Variants in NBPF20 observed in about 807,000 individuals in gnomAD.
The protein encoded by NBPF20 is NBPF family member NBPF20.
NBPF20 carries 90 observed loss-of-function variants against 68.1 expected under a neutral mutation model. The ratio of observed to expected loss-of-function variants is 1.32; its 90% CI spans 1.11 to 1.58. The LOEUF is 1.58. Among genes scored for constraint, NBPF20 ranks in the 40% most tolerant of loss-of-function variants. The pLI is 0.00. For synonymous variants in NBPF20, 290 were observed against 228.1 expected (o/e 1.27, Z -2.45); for missense variants, 816 against 601.2 (o/e 1.36, Z -3.74).
At chr1:145,397,842 C>T (rs1220689555) in intron 7 of NBPF20, among the ~76,000 whole-genome samples, 1 of 152,142 alleles carries the variant, frequency 6.6e-6, no homozygotes, top group Non-Finnish European at 1.5e-5. Flanking sequence ...GGAAACCCAT[C>T]TCACATGCAG....
At chr1:145,419,390 G>T in the NBPF20 span, among the ~76,000 whole-genome samples, 1 of 152,116 alleles carries the variant, frequency 6.6e-6, no homozygotes, top group Non-Finnish European at 1.5e-5. Context: ...GTTTCCATGG[G>T]GTACAACCCC....
exon 138 of NBPF20, chr1:145,291,486 T>C (rs781945700): frequency 1.9e-6 from 3 of 1,612,044 alleles, no homozygotes; most frequent in East Asian, 4.5e-5. Context: ...CTATAGGTCC[T>C]GCCTGCAGGA....
Position 145,393,330 on chromosome 1 carries a change from G to A in NBPF20, c.1044-84C>T. On this transcript the variant is annotated intron_variant, in intron 9 of 137. Transcript: ENST00000369373. ...CAGCTAGATTTCATGGCTAACGTAA[G>A]GAAGAGTTTGAAAAGAAAAAGGACA... 5.8e-6 allele frequency: 4 copies of A among 684,678 alleles called. No homozygotes were observed. The South Asian group carries it at 6.7e-5, about 11-fold the overall frequency. The allele number at this position is 684,678 out of a possible 1,614,324, so 42.4% of individuals were successfully genotyped here.
chr1:145,311,972 A>C (rs1661497362), intron 112 of NBPF20, among the ~76,000 whole-genome samples: 1 of 89,620 alleles, frequency 1.1e-5, no homozygotes, highest in African/African-American at 6.4e-5. Flanking sequence ...ACGTCATGAG[A>C]GTAGGATTAG....
the NBPF20 span, among the ~76,000 whole-genome samples, chr1:145,424,538 A>C: frequency 6.6e-6 from 1 of 152,244 alleles, no homozygotes; most frequent in Non-Finnish European, 1.5e-5. Flanking sequence ...TTCGGCAAAG[A>C]AAGGATGAAC....
chr1:145,400,650 C>G, intron 5 of NBPF20, 56 bp from the exon 11 acceptor site: 1 of 1,560,154 alleles, frequency 6.4e-7, no homozygotes, highest in Non-Finnish European at 8.8e-7. Flanking sequence ...GGGATTGGAC[C>G]CCAGGGAGTC....
Position 145,393,669 on chromosome 1 carries a change from A to T in NBPF20, c.1043+215T>A, listed in dbSNP as rs1662056779. On this transcript the variant is annotated intron_variant, in intron 9 of 137. Coordinates refer to ENST00000369373, the Ensembl canonical transcript of NBPF20. ...ACCATGAGAATACAGCTTTTGAGTT[A>T]TGGTCAACTTTCACTAGGTTAGTAA... 5.2e-6 allele frequency: 7 copies of T among 1,337,772 alleles called. No individual in the cohort carries two copies. In the South Asian group the frequency reaches 5.6e-5, roughly 11 times the overall value. The allele number at this position is 1,337,772 out of a possible 1,614,324, so 82.9% of individuals were successfully genotyped here.
At chr1:145,406,516 CAG>C (rs1242407077), upstream of NBPF20, among the ~76,000 whole-genome samples, 1 of 151,742 alleles carries the variant, frequency 6.6e-6, no homozygotes, top group Admixed American at 6.6e-5. Context: ...AAATGTTGGA[CAG>C]AGTTTTGCAA....
the NBPF20 span, among the ~76,000 whole-genome samples, chr1:145,417,738 A>G: frequency 1.3e-5 from 2 of 148,558 alleles, no homozygotes. Context: ...GGAATTGCAC[A>G]TTAAAACAAC....
chr1:145,425,330 C>G, the NBPF20 span, among the ~76,000 whole-genome samples: 4 of 151,822 alleles, frequency 2.6e-5, no homozygotes, highest in Non-Finnish European at 5.9e-5. Context: ...CACCGCCCGC[C>G]CGGCCTGGCG....
At chr1:145,394,323 G>C (rs1387083986) in intron 8 of NBPF20, among the ~76,000 whole-genome samples, 1 of 151,664 alleles carries the variant, frequency 6.6e-6, no homozygotes, top group East Asian at 1.9e-4. Flanking sequence ...TGGACACAGA[G>C]ATTTGATGAA....
rs1443623297 is a variant in NBPF20, at chr1:145,393,667, T to G, written c.1043+217A>C. 7.8e-5 allele frequency: 104 copies of G among 1,330,778 alleles called. 1 individual carries two copies. Among genetic ancestry groups the G allele is most frequent in the African/African-American group, 2.5e-4 (17 of 68,234 alleles). 82.4% of individuals were successfully genotyped at this position (1,330,778 alleles called of 1,614,324 possible). On this transcript the variant is annotated intron_variant, in intron 9 of 137. Transcript: ENST00000369373. ...TTACCATGAGAATACAGCTTTTGAG[T>G]TATGGTCAACTTTCACTAGGTTAGT...
exon 6 of NBPF20, chr1:145,400,503 A>C: frequency 6.2e-7 from 1 of 1,612,908 alleles, no homozygotes; most frequent in Middle Eastern, 1.9e-4. Flanking sequence ...GGCTGGTTGG[A>C]GTCATAAGGG....
chr1:145,410,186 A>G (rs1297716864), upstream of NBPF20, among the ~76,000 whole-genome samples: 2 of 151,686 alleles, frequency 1.3e-5, no homozygotes, highest in Admixed American at 1.3e-4. Flanking sequence ...AACAGGTGCT[A>G]TTTTCAGCCT....
At position 145,291,630 on chromosome 1, in the gene NBPF20, C is replaced by A. The variant is rs782576209; in HGVS notation, c.16837G>T (p.Glu5613Ter). The A allele has an allele frequency of 5.0e-6, 8 of 1,611,900 alleles. No homozygotes were observed. Among genetic ancestry groups the A allele is most frequent in the Non-Finnish European group, 6.8e-6 (8 of 1,179,854 alleles). Residue 5613 changes from glutamate to a stop codon, truncating the protein, a stop_gained, in exon 138 of 138, where the codon GAA (glutamate) becomes TAA (stop). Coordinates refer to ENST00000369373, the Ensembl canonical transcript of NBPF20. LOFTEE classifies it high-confidence loss of function. Reference sequence around the variant, plus strand: ...TAAAGGGCGAAGCTGATGTGCTGTTCCTCAAATGAGTAAAACACACTTCTG... The same window carrying A: ...TAAAGGGCGAAGCTGATGTGCTGTTACTCAAATGAGTAAAACACACTTCTG...
chr1:145,408,351 G>A (rs1246419630), upstream of NBPF20, among the ~76,000 whole-genome samples: 1 of 151,840 alleles, frequency 6.6e-6, no homozygotes, highest in Non-Finnish European at 1.5e-5. Flanking sequence ...TACCCCTCCT[G>A]TGTGTGGCTG....
intron 29 of NBPF20, among the ~76,000 whole-genome samples, chr1:145,377,650 G>GAC (rs1270986787): frequency 3.5e-5 from 5 of 142,270 alleles, no homozygotes; most frequent in Non-Finnish European, 4.6e-5. Flanking sequence ...GGGAGAGAGA[G>GAC]AGAGAGAGAG....
intron 7 of NBPF20, among the ~76,000 whole-genome samples, chr1:145,397,901 A>C (rs1317635020): frequency 6.6e-6 from 1 of 152,190 alleles, no homozygotes; most frequent in East Asian, 1.9e-4. Context: ...TCTACCAAGC[A>C]AATGGAAAAC....
the NBPF20 span, among the ~76,000 whole-genome samples, chr1:145,419,784 G>T: frequency 1.3e-5 from 2 of 152,260 alleles, no homozygotes; most frequent in South Asian, 2.1e-4. Flanking sequence ...TCATTATGGG[G>T]TCTCTAGCCC....
Sources: gnomAD v4.1 joint callset for allele counts (sites outside exome capture counted in the v4.1 genomes callset) on GRCh38, gnomAD v4.1.1 for gene constraint, MANE v1.5 for transcripts, NCBI Gene and HGNC (gene_info 2026-07-23, HGNC 2026-07-21) for gene names.